Variants in UNC79 observed in about 807,000 individuals in gnomAD.
UNC79 encodes the protein unc-79 subunit of NALCN channel complex, also known as protein unc-79 homolog.
UNC79 carries 37 observed loss-of-function variants against 283.1 expected under a neutral mutation model. The observed-to-expected ratio is 0.13, with a 90% CI of 0.10 to 0.17. UNC79 has a LOEUF of 0.17. UNC79 is among the 10% of genes least tolerant of loss of function. UNC79 has a pLI of 1.00. For missense variants in UNC79, 2,272 were observed against 3,211.1 expected (o/e 0.71, Z 7.07); for synonymous variants, 1,107 against 1,200.2 (o/e 0.92, Z 1.61).
chr14:93,532,481 T>C, intron 10 of UNC79, 69 bp from the exon 11 acceptor site: 1 of 1,535,474 alleles, frequency 6.5e-7, no homozygotes, highest in Non-Finnish European at 8.8e-7. Context: ...AAAAATAAAT[T>C]AATTAATTAA....
chr14:93,621,594 A>G lies in UNC79; in HGVS notation c.4388-27A>G, dbSNP rs766516322. The G allele has an allele frequency of 1.9e-5, 28 of 1,505,886 alleles. No individual in the cohort carries two copies. Among genetic ancestry groups the G allele is most frequent in the Non-Finnish European group, 2.3e-5 (26 of 1,130,056 alleles). The allele number at this position is 1,505,886 out of a possible 1,614,324, so 93.3% of individuals were successfully genotyped here. A position where few individuals can be genotyped will look rare whatever the true frequency, so the allele number is the denominator to read the frequency against. On this transcript the variant is annotated intron_variant, in intron 29 of 48. Transcript: ENST00000555664. This position sits in a 1 kb window ranked among gnomAD's most constrained non-coding sequence, Gnocchi z 4.8. Reference sequence around the variant, plus strand: ...AAATGGTGAAATCTCCAAGTAAAATAGTACTAGCTTTTTCTGTTTTGATCA... The same window carrying G: ...AAATGGTGAAATCTCCAAGTAAAATGGTACTAGCTTTTTCTGTTTTGATCA...
chr14:93,653,199 G>T (rs1047682339), intron 35 of UNC79, among the ~76,000 whole-genome samples: 2 of 152,026 alleles, frequency 1.3e-5, no homozygotes, highest in Admixed American at 1.3e-4. Flanking sequence ...ATGTGCAGAG[G>T]TGCACATGAA....
At chr14:93,468,506 C>T (rs1231423810) in intron 2 of UNC79, among the ~76,000 whole-genome samples, 2 of 152,226 alleles carry the variant, frequency 1.3e-5, no homozygotes, top group Non-Finnish European at 2.9e-5. Context: ...TCCATTACCA[C>T]GGTCTTCTCA....
intron 1 of UNC79, among the ~76,000 whole-genome samples, chr14:93,364,256 C>T (rs1221213267): frequency 1.3e-5 from 2 of 152,146 alleles, no homozygotes; most frequent in East Asian, 3.9e-4. Flanking sequence ...CTCTTCTATT[C>T]ATTAGCCCCC....
At chr14:93,634,612 C>G in intron 31 of UNC79, 1 of 1,613,980 alleles carries the variant, frequency 6.2e-7, no homozygotes, top group Non-Finnish European at 8.5e-7. Flanking sequence ...CTAGCGCCCC[C>G]CATAACATCA....
chr14:93,532,013 T>C (rs2060843353), intron 10 of UNC79, among the ~76,000 whole-genome samples: 1 of 152,154 alleles, frequency 6.6e-6, no homozygotes, highest in South Asian at 2.1e-4. Flanking sequence ...CATACACTAC[T>C]AGATGAAAAG....
At chr14:93,489,100 T>G (rs779893443) in intron 5 of UNC79, among the ~76,000 whole-genome samples, 1 of 152,110 alleles carries the variant, frequency 6.6e-6, no homozygotes, top group Non-Finnish European at 1.5e-5. Context: ...TGTTACCACA[T>G]CTGGCTAATT....
intron 1 of UNC79, among the ~76,000 whole-genome samples, chr14:93,462,426 A>G (rs1020186325): frequency 1.3e-5 from 2 of 152,258 alleles, no homozygotes; most frequent in Admixed American, 1.3e-4. Flanking sequence ...TTTGTCCTGA[A>G]GACAGTGGGC....
chr14:93,548,646 T>C (rs2141267981), intron 14 of UNC79, among the ~76,000 whole-genome samples: 1 of 152,344 alleles, frequency 6.6e-6, no homozygotes, highest in East Asian at 1.9e-4. Flanking sequence ...GATAAAATTC[T>C]CTTTCTCTGT....
At chr14:93,484,817 G>A (rs2058329667) in intron 4 of UNC79, among the ~76,000 whole-genome samples, 2 of 152,204 alleles carry the variant, frequency 1.3e-5, no homozygotes, top group African/African-American at 4.8e-5. Context: ...TAGAAGGCTA[G>A]GAAATTGTAA....
intron 43 of UNC79, 111 bp downstream of exon 46, chr14:93,686,772 C>T: frequency 8.6e-7 from 1 of 1,156,936 alleles, no homozygotes; most frequent in Non-Finnish European, 1.2e-6. Flanking sequence ...AGCCGTGGCA[C>T]TGTTGAATGA....
intron 1 of UNC79, among the ~76,000 whole-genome samples, chr14:93,372,622 C>T (rs1449844378): frequency 6.6e-6 from 1 of 152,180 alleles, no homozygotes; most frequent in East Asian, 1.9e-4. Context: ...GAAATACAAT[C>T]CTCAATGTGT....
At chr14:93,701,925 G>A (rs1431485967) in intron 47 of UNC79, among the ~76,000 whole-genome samples, 1 of 152,178 alleles carries the variant, frequency 6.6e-6, no homozygotes, top group Non-Finnish European at 1.5e-5. Context: ...GCAGCACTGG[G>A]AAAGGTATCC....
At chr14:93,593,948 C>T (rs2064873227) in intron 23 of UNC79, 111 bp downstream of exon 23, 1 of 1,212,268 alleles carries the variant, frequency 8.2e-7, no homozygotes, top group East Asian at 2.6e-5. Flanking sequence ...AAAAGGCATT[C>T]TCCTGCTGGC....
intron 1 of UNC79, among the ~76,000 whole-genome samples, chr14:93,352,695 A>G (rs896697596): frequency 6.6e-6 from 1 of 152,228 alleles, no homozygotes; most frequent in Non-Finnish European, 1.5e-5. Flanking sequence ...GCCTCTGGTC[A>G]TAACATTTTT....
intron 47 of UNC79, among the ~76,000 whole-genome samples, chr14:93,701,668 T>A (rs2075540165): frequency 6.6e-6 from 1 of 152,194 alleles, no homozygotes; most frequent in Non-Finnish European, 1.5e-5. Flanking sequence ...TGAAAGTTAT[T>A]CAATAAGTCA....
At chr14:93,496,555 G>T in intron 6 of UNC79, 89 bp downstream of exon 6, 1 of 869,982 alleles carries the variant, frequency 1.1e-6, no homozygotes, top group Non-Finnish European at 1.7e-6. Context: ...CTGTTGTTTA[G>T]GTCAAATTTA....
intron 14 of UNC79, among the ~76,000 whole-genome samples, chr14:93,550,515 A>C (rs1454625921): frequency 7.8e-5 from 5 of 63,732 alleles, no homozygotes; most frequent in Non-Finnish European, 1.2e-4. Flanking sequence ...ACTCCGTATC[A>C]AAAAAAAAAA....
At chr14:93,423,684 C>G (rs986436016) in intron 1 of UNC79, among the ~76,000 whole-genome samples, 6 of 152,186 alleles carry the variant, frequency 3.9e-5, no homozygotes, top group African/African-American at 1.4e-4. Flanking sequence ...AAACTAGACT[C>G]CTATTTCTCA....
Sources: gnomAD v4.1 joint callset for allele counts (sites outside exome capture counted in the v4.1 genomes callset) on GRCh38, gnomAD v4.1.1 for gene constraint, Gnocchi (gnomAD v3.1) non-coding constraint, MANE v1.5 for transcripts, NCBI Gene and HGNC (gene_info 2026-07-23, HGNC 2026-07-21) for gene names.